The following WFDC8 variants were observed in gnomAD, a reference collection of about 807,000 sequenced individuals.
The protein encoded by WFDC8 is WAP four-disulfide core domain protein 8.
Under a neutral mutation model 27.0 loss-of-function variants are expected in WFDC8, and 24 were observed. The observed-to-expected ratio is 0.89, with a 90% confidence interval of 0.64 to 1.25. The LOEUF is 1.25. Among genes scored for constraint, WFDC8 ranks in the 50% most tolerant of loss-of-function variants. The pLI, the probability that WFDC8 is intolerant of heterozygous loss-of-function variation, is 0.00. For synonymous variants in WFDC8, 106 were observed against 99.7 expected, an observed-to-expected ratio of 1.06 and a Z score of -0.38; for missense variants, 287 against 295.9, an observed-to-expected ratio of 0.97 and a Z score of 0.22.
Position 45,553,228 on chromosome 20 carries a change from C to T in WFDC8, c.494G>A (p.Cys165Tyr). The T allele has an allele frequency of 1.2e-6, 2 of 1,613,892 alleles. No homozygotes were observed. The highest frequency in any genetic ancestry group is 1.7e-6 in the Non-Finnish European group (2 of 1,179,800). Residue 165 changes from cysteine to tyrosine, a missense_variant, in exon 5 of 6, where the codon TGT (cysteine) becomes TAT (tyrosine). Transcript: ENST00000289953. ...PLFPFTERKECPPSCHSDIDC... is the reference protein window; with the variant it reads ...PLFPFTERKEYPPSCHSDIDC... ...GATGTCACTGTGACATGAAGGTGGA[C>T]ACTCCTTACGTTCAGTGAAAGGGAA...
Position 45,558,981 on chromosome 20 carries a change from A to G in WFDC8, c.148T>C (p.Leu50=), listed in dbSNP as rs959301227. The part of the protein sequence containing the change: ...LTKKIKHKPG[L]CPKERLTCTT... ...CAGGTGAGCCTCTCTTTGGGACATAACCCTGGTTTGTCTGCAAGAAAGAAA... is the reference window on the plus strand; with the variant it reads ...CAGGTGAGCCTCTCTTTGGGACATAGCCCTGGTTTGTCTGCAAGAAAGAAA... The change falls in exon 3 of 6, where the codon TTA becomes CTA. Residue 50 remains leucine, a synonymous_variant. Transcript: ENST00000289953. The G allele has an allele frequency of 1.2e-6, 2 of 1,613,812 alleles. No homozygotes were observed. Among genetic ancestry groups the G allele is most frequent in the South Asian group, 1.1e-5 (1 of 90,972 alleles).
At chr20:45,565,141 A>AAGGG (rs979323054) in intron 1 of WFDC8, among the ~76,000 whole-genome samples, 6 of 146,194 alleles carry the variant, frequency 4.1e-5, no homozygotes, top group Admixed American at 2.0e-4. Context: ...GGAAGGGAAA[A>AAGGG]AGGGAGGGAG....
At chr20:45,570,686 T>A (rs1980835841) in intron 1 of WFDC8, among the ~76,000 whole-genome samples, 1 of 152,208 alleles carries the variant, frequency 6.6e-6, no homozygotes, top group Non-Finnish European at 1.5e-5. Context: ...GGAAGTGGTA[T>A]TGCCGGGTTA....
chr20:45,555,584 T>G, intron 4 of WFDC8, 117 bp downstream of exon 4: 2 of 1,194,214 alleles, frequency 1.7e-6, no homozygotes, highest in South Asian at 3.0e-5. Flanking sequence ...AGCCAGTGAA[T>G]GACAGAGCTA....
intron 1 of WFDC8, among the ~76,000 whole-genome samples, chr20:45,565,889 T>C (rs1303689309): frequency 6.6e-6 from 1 of 152,202 alleles, no homozygotes; most frequent in Non-Finnish European, 1.5e-5. Flanking sequence ...ATTAGTTAAA[T>C]CTGTGCCATC....
At chr20:45,574,614 G>A (rs1184332961) in intron 1 of WFDC8, among the ~76,000 whole-genome samples, 1 of 152,124 alleles carries the variant, frequency 6.6e-6, no homozygotes, top group Non-Finnish European at 1.5e-5. Flanking sequence ...GGCCAACAGG[G>A]CAAAACCCTG....
chr20:45,568,159 G>A, intron 1 of WFDC8: 1 of 331,098 alleles, frequency 3.0e-6, no homozygotes. Context: ...TTTCCAACTG[G>A]TATACTGTCC....
At chr20:45,570,182 T>G (rs1231652315) in intron 1 of WFDC8, among the ~76,000 whole-genome samples, 1 of 152,046 alleles carries the variant, frequency 6.6e-6, no homozygotes, top group Non-Finnish European at 1.5e-5. Flanking sequence ...CCCATGAACT[T>G]AAAAGTTAAA....
intron 4 of WFDC8, among the ~76,000 whole-genome samples, chr20:45,554,005 TTC>T (rs1408246931): frequency 6.6e-6 from 1 of 152,072 alleles, no homozygotes; most frequent in Admixed American, 6.5e-5. Flanking sequence ...GAGCTTATTT[TTC>T]TGTTTTTGAG....
chr20:45,565,069 G>T (rs1241507908), intron 1 of WFDC8, among the ~76,000 whole-genome samples: 1 of 145,190 alleles, frequency 6.9e-6, no homozygotes, highest in African/African-American at 2.6e-5. Flanking sequence ...AGAGAGGGAG[G>T]GAAAGGAAGA....
chr20:45,574,985 A>G (rs904374888), intron 1 of WFDC8, among the ~76,000 whole-genome samples: 1 of 152,184 alleles, frequency 6.6e-6, no homozygotes, highest in Non-Finnish European at 1.5e-5. Context: ...CATTTTTATG[A>G]TAAAAAATCT....
At chr20:45,578,692 G>C (rs1981129757) in intron 1 of WFDC8, among the ~76,000 whole-genome samples, 1 of 152,188 alleles carries the variant, frequency 6.6e-6, no homozygotes. Flanking sequence ...TCCTCTTAAA[G>C]GAAAGATGGA....
intron 1 of WFDC8, among the ~76,000 whole-genome samples, chr20:45,565,635 T>C (rs936190454): frequency 3.7e-4 from 57 of 152,186 alleles, no homozygotes; most frequent in Admixed American, 3.7e-3. Flanking sequence ...ATGCTTTCCA[T>C]GGAAGCAAAG....
chr20:45,566,986 CT>C (rs1281446365), intron 1 of WFDC8, among the ~76,000 whole-genome samples: 19 of 152,084 alleles, frequency 1.2e-4, no homozygotes, highest in Non-Finnish European at 2.6e-4. Context: ...ATTATAAATG[CT>C]ATGCAAGTAG....
At chr20:45,571,289 T>C (rs74991732) in intron 1 of WFDC8, among the ~76,000 whole-genome samples, 1,732 of 152,288 alleles carry the variant, frequency 0.011, 28 homozygotes, top group African/African-American at 0.039. Flanking sequence ...TTACTTCCAT[T>C]TTTATTTTTA....
intron 1 of WFDC8, among the ~76,000 whole-genome samples, chr20:45,575,460 A>G (rs1027894619): frequency 1.3e-5 from 2 of 151,844 alleles, no homozygotes; most frequent in Non-Finnish European, 2.9e-5. Flanking sequence ...AACAAAGGAT[A>G]TGAAAGATCT....
rs544805401 is a variant in WFDC8, at chr20:45,576,784, G to A, written c.26+2438C>T. Among the ~76,000 whole-genome samples the A allele has an allele frequency of 9.9e-5, 15 of 151,334 alleles. No individual in the cohort carries two copies. The East Asian group carries it at 2.3e-3, about 23-fold the overall frequency. ...CCTAGTCTTTTTTCCATTCTTTTGC[G>A]TTCAACCATTCTACTTATGTTTTAA... On this transcript the variant is annotated intron_variant, in intron 1 of 5. Coordinates refer to ENST00000289953, the MANE Select transcript of WFDC8 (RefSeq NM_130896.3).
intron 2 of WFDC8, among the ~76,000 whole-genome samples, chr20:45,561,738 G>T (rs1346940430): frequency 1.3e-5 from 1 of 79,512 alleles, no homozygotes; most frequent in Non-Finnish European, 3.0e-5. Context: ...AATTAAACTT[G>T]CGTGTGTGTG....
At chr20:45,574,161 T>C (rs938951107) in intron 1 of WFDC8, among the ~76,000 whole-genome samples, 1 of 152,152 alleles carries the variant, frequency 6.6e-6, no homozygotes, top group South Asian at 2.1e-4. Context: ...AACTGAATCA[T>C]GAAGAAACAG....
Sources: allele counts gnomAD v4.1 joint callset (sites outside exome capture counted in the v4.1 genomes callset), GRCh38; gene constraint gnomAD v4.1.1; transcripts MANE v1.5; gene names NCBI Gene and HGNC (gene_info 2026-07-23, HGNC 2026-07-21).